MUC22: variants seen among roughly 807,000 people sequenced by gnomAD.
MUC22 encodes the protein mucin-22.
In MUC22, 24 loss-of-function variants were observed where a neutral mutation model predicts 40.3. The observed-to-expected ratio is 0.60, with a 90% CI of 0.43 to 0.84. The LOEUF (loss-of-function observed/expected upper bound fraction) is 0.84. MUC22 is among the 40% of genes least tolerant of loss of function. MUC22 has a pLI of 0.00. For missense variants in MUC22, 1,926 were observed against 2,130.7 expected, an observed-to-expected ratio of 0.90 and a Z score of 1.89; for synonymous variants, 765 against 844.5, an observed-to-expected ratio of 0.91 and a Z score of 1.63.
At chr6:31,009,849 T>C (rs552358554), upstream of MUC22, among the ~76,000 whole-genome samples, 2 of 152,150 alleles carry the variant, frequency 1.3e-5, no homozygotes, top group African/African-American at 4.8e-5. Context: ...TTGCCAAAGA[T>C]TGACTCAGGG....
In MUC22 at chr6:31,028,645, T is replaced by G. The variant is rs1765675497; in HGVS notation, c.3214T>G (p.Ser1072Ala). Residue 1072 changes from serine to alanine, a missense_variant, in exon 2 of 4, where the codon TCT (serine) becomes GCT (alanine). By Grantham distance (99) the Ser-to-Ala change is moderately conservative. Around this residue, in one of 3 missense-constraint regions of MUC22, gnomAD observed 1,281 missense variants for 1,337.8 expected, o/e 0.96. Coordinates refer to ENST00000561890, the Ensembl canonical transcript of MUC22. Reference sequence around the variant, plus strand: ...GACCACCATAGCCTCTACCACAGCCTCTGAGACCACCACAGTCTCCACTGC... The same window carrying G: ...GACCACCATAGCCTCTACCACAGCCGCTGAGACCACCACAGTCTCCACTGC... The G allele has an allele frequency of 2.6e-6, 4 of 1,534,782 alleles. No individual in the cohort carries two copies. In the Admixed American group the frequency reaches 7.9e-5, roughly 30 times the overall value.
upstream of MUC22, among the ~76,000 whole-genome samples, chr6:31,008,327 C>T (rs1205564409): frequency 6.6e-6 from 1 of 152,094 alleles, no homozygotes; most frequent in Admixed American, 6.5e-5. Context: ...ATCCCAGTGA[C>T]CAGATGGAAC....
At chr6:31,024,978 T>C (rs990356712) in intron 1 of MUC22, among the ~76,000 whole-genome samples, 3 of 151,938 alleles carry the variant, frequency 2.0e-5, no homozygotes, top group Non-Finnish European at 4.4e-5. Flanking sequence ...CAAGTGATTC[T>C]CCTGCCTCAG....
chr6:31,007,470 AC>A (rs1763592163), upstream of MUC22, among the ~76,000 whole-genome samples: 1 of 152,056 alleles, frequency 6.6e-6, no homozygotes, highest in Admixed American at 6.6e-5. The surrounding 1 kb of genome is among the most constrained non-coding windows in gnomAD (Gnocchi z 4.0). Context: ...TATGGAAGGT[AC>A]CATTGAGACT....
chr6:31,030,512 G>A (rs1224965579), intron 2 of MUC22, among the ~76,000 whole-genome samples: 6 of 85,008 alleles, frequency 7.1e-5, no homozygotes, highest in African/African-American at 2.8e-4. Context: ...GCGAGACTCC[G>A]TCTCAAAAAA....
intron 1 of MUC22, among the ~76,000 whole-genome samples, chr6:31,012,960 C>T (rs762405372): frequency 1.5e-4 from 23 of 151,918 alleles, no homozygotes; most frequent in African/African-American, 4.6e-4. Context: ...GGCCCTGACA[C>T]CCCACCAAGC....
chr6:31,032,480 A>G lies in MUC22; in HGVS notation c.4954A>G (p.Ile1652Val). 1 of 1,535,730 alleles carries G rather than the reference A, an allele frequency of 6.5e-7. No individual in the cohort carries two copies. The highest frequency in any genetic ancestry group is 1.2e-5 in the South Asian group (1 of 84,068). The change falls in exon 3 of 4, where the codon ATC (isoleucine) becomes GTC (valine). Residue 1652 changes from isoleucine (I) to valine (V), a missense_variant. Ile to Val is a conservative substitution (Grantham distance 29). Around this residue, in one of 3 missense-constraint regions of MUC22, gnomAD observed 610 missense variants for 714.6 expected, o/e 0.85. Coordinates refer to ENST00000561890, the Ensembl canonical transcript of MUC22. The surrounding 1 kb of genome is among the most constrained non-coding windows in gnomAD (Gnocchi z 4.1). ...CATGAGCCACACACCCACAAACGTGATCAAACCAAGTGGATATTTACAGCC... is the reference window on the plus strand; with the variant it reads ...CATGAGCCACACACCCACAAACGTGGTCAAACCAAGTGGATATTTACAGCC...
intron 3 of MUC22, among the ~76,000 whole-genome samples, chr6:31,033,479 C>G (rs1766228837): frequency 2.6e-5 from 4 of 152,238 alleles, no homozygotes; most frequent in African/African-American, 9.6e-5. Context: ...ACCTCCCACT[C>G]CATCTCTGCT....
At chr6:31,028,673 G>T (rs1322965181) in exon 2 of MUC22, 4 of 1,533,144 alleles carry the variant, frequency 2.6e-6, no homozygotes, top group African/African-American at 2.8e-5. Context: ...TCCACTGCAG[G>T]CTCTGAGACC....
At chr6:31,025,658 C>T (rs1186364373) in exon 2 of MUC22, 1 of 1,533,178 alleles carries the variant, frequency 6.5e-7, no homozygotes, top group South Asian at 1.2e-5. Context: ...TCTGAGACAA[C>T]CTCAGCCTCC....
upstream of MUC22, among the ~76,000 whole-genome samples, chr6:31,007,132 C>A (rs1763571993): frequency 6.9e-6 from 1 of 145,790 alleles, no homozygotes; most frequent in Non-Finnish European, 1.5e-5. The surrounding 1 kb of genome is among the most constrained non-coding windows in gnomAD (Gnocchi z 4.0). Context: ...AAATTACATT[C>A]TTTGCAATAA....
chr6:31,014,667 A>G (rs1764073688), intron 1 of MUC22, among the ~76,000 whole-genome samples: 1 of 151,946 alleles, frequency 6.6e-6, no homozygotes, highest in African/African-American at 2.4e-5. Context: ...AAACAAGTTT[A>G]TTTTTCTCCC....
chr6:31,030,535 G>T (rs12110481), intron 2 of MUC22, among the ~76,000 whole-genome samples: 57,638 of 137,184 alleles, frequency 0.42, 11,811 homozygotes, highest in Admixed American at 0.52. Context: ...AAAAAAAAAT[G>T]TCCTCTTCTG....
chr6:31,017,886 C>T (rs996111283), intron 1 of MUC22, among the ~76,000 whole-genome samples: 2 of 151,920 alleles, frequency 1.3e-5, no homozygotes, highest in Non-Finnish European at 2.9e-5. Flanking sequence ...TTCTTTCACT[C>T]TTTGTGATAA....
At chr6:31,013,672 T>C (rs1013373341) in intron 1 of MUC22, among the ~76,000 whole-genome samples, 3 of 152,178 alleles carry the variant, frequency 2.0e-5, no homozygotes, top group African/African-American at 7.2e-5. Context: ...TGCATTTATC[T>C]ATTTATTTAG....
exon 2 of MUC22, chr6:31,026,209 G>T: frequency 6.6e-7 from 1 of 1,520,966 alleles, no homozygotes; most frequent in Non-Finnish European, 8.8e-7. Flanking sequence ...GACCACTGTG[G>T]CCCCCGCTGC....
intron 1 of MUC22, among the ~76,000 whole-genome samples, chr6:31,013,355 G>A: frequency 6.6e-6 from 1 of 151,530 alleles, no homozygotes; most frequent in Non-Finnish European, 1.5e-5. Context: ...TCGAACTCCT[G>A]AGCTCAGACA....
At chr6:31,021,750 A>G (rs1438333955) in intron 1 of MUC22, among the ~76,000 whole-genome samples, 1 of 152,116 alleles carries the variant, frequency 6.6e-6, no homozygotes, top group Non-Finnish European at 1.5e-5. Flanking sequence ...CCCTGTCAAA[A>G]CAGACCACTC....
At chr6:31,031,167 A>G (rs930513344) in intron 2 of MUC22, among the ~76,000 whole-genome samples, 2 of 152,124 alleles carry the variant, frequency 1.3e-5, no homozygotes, top group Non-Finnish European at 2.9e-5. Context: ...TGACCTAGGC[A>G]CACCCATCGC....
Sources: gnomAD v4.1 joint callset for allele counts (sites outside exome capture counted in the v4.1 genomes callset) on GRCh38, gnomAD v4.1.1 for gene constraint, gnomAD v4.1.1 regional missense constraint, Gnocchi (gnomAD v3.1) non-coding constraint, MANE v1.5 for transcripts, NCBI Gene and HGNC (gene_info 2026-07-23, HGNC 2026-07-21) for gene names.